The following DSCAML1 variants were observed in gnomAD, a reference collection of about 807,000 sequenced individuals.
DSCAML1 encodes DS cell adhesion molecule like 1, also known as cell adhesion molecule DSCAML1.
Under a neutral mutation model 200.5 loss-of-function variants are expected in DSCAML1, and 38 were observed. The observed-to-expected ratio is 0.19, with a 90% CI of 0.15 to 0.25. DSCAML1 has a LOEUF of 0.25. Ranked by LOEUF, DSCAML1 falls within the 10% of genes least tolerant of loss-of-function variation. The pLI, the probability that DSCAML1 is intolerant of heterozygous loss-of-function variation, is 1.00. For synonymous variants in DSCAML1, 1,215 were observed against 1,165.0 expected (o/e 1.04, Z -0.87); for missense variants, 2,223 against 2,858.8 (o/e 0.78, Z 5.07).
At chr11:117,483,263 G>A (rs1289927269) in intron 11 of DSCAML1, among the ~76,000 whole-genome samples, 3 of 152,202 alleles carry the variant, frequency 2.0e-5, no homozygotes, top group Admixed American at 6.5e-5. Flanking sequence ...TGGGGGGTAC[G>A]CATGACAATG....
chr11:117,638,493 T>A (rs555900327), intron 3 of DSCAML1, among the ~76,000 whole-genome samples: 1 of 152,202 alleles, frequency 6.6e-6, no homozygotes, highest in East Asian at 1.9e-4. Context: ...TTAAAACAGT[T>A]TTCATCATCC....
At chr11:117,481,877 T>A in intron 12 of DSCAML1, 86 bp downstream of exon 12, 1 of 1,517,112 alleles carries the variant, frequency 6.6e-7, no homozygotes, top group Non-Finnish European at 9.0e-7. Context: ...GGCTCCCCAT[T>A]TGCCTCCTGG....
intron 20 of DSCAML1, among the ~76,000 whole-genome samples, chr11:117,449,026 A>G (rs1203672832): frequency 6.6e-6 from 1 of 152,250 alleles, no homozygotes; most frequent in Non-Finnish European, 1.5e-5. Flanking sequence ...CACAAAAGCT[A>G]TACAGAAGAA....
chr11:117,497,168 A>G (rs934823815), intron 11 of DSCAML1, among the ~76,000 whole-genome samples: 5 of 152,180 alleles, frequency 3.3e-5, no homozygotes, highest in African/African-American at 1.2e-4. Context: ...GGGTGAGGGA[A>G]AGGGACAGGA....
rs1189439598 is a variant in DSCAML1 at position 117,469,275 on chromosome 11, C to T, written c.3024+635G>A. Among the ~76,000 whole-genome samples the T allele has an allele frequency of 6.6e-6, 1 of 152,176 alleles. No individual in the cohort carries two copies. ...GTGAGACAGGAAGCCCCTGGATTGC[C>T]AGCCCTTCTATGCCCATGGAGGGGT... is the stretch of plus-strand genomic sequence containing the variant. On this transcript the variant is annotated intron_variant, in intron 16 of 32. Transcript: ENST00000651296. This position sits in a 1 kb window ranked among gnomAD's most constrained non-coding sequence, Gnocchi z 4.1.
chr11:117,439,135 T>A lies in DSCAML1; in HGVS notation c.4144+131A>T, dbSNP rs1315786616. 3.6e-6 allele frequency: 5 copies of A among 1,397,120 alleles called. No individual in the cohort carries two copies. In the East Asian group the frequency reaches 1.2e-4, roughly 33 times the overall value. 86.5% of individuals were successfully genotyped at this position (1,397,120 alleles called of 1,614,324 possible). The stretch of plus-strand genomic sequence containing the variant: ...TCCTGCCTCCCCTTCCATGTGCACC[T>A]CTGTTTCTCCAGAGGTCTGTCTCTC... On this transcript the variant is annotated intron_variant, in intron 23 of 32. Transcript: ENST00000651296.
intron 3 of DSCAML1, among the ~76,000 whole-genome samples, chr11:117,690,976 C>A (rs1240077811): frequency 6.6e-6 from 1 of 152,144 alleles, no homozygotes; most frequent in Non-Finnish European, 1.5e-5. Context: ...GCCAGAAAAC[C>A]TCCCTAGGGC....
intron 3 of DSCAML1, among the ~76,000 whole-genome samples, chr11:117,582,758 G>A (rs1032792560): frequency 3.9e-5 from 6 of 152,188 alleles, no homozygotes; most frequent in Admixed American, 3.9e-4. Flanking sequence ...GTGTGCCCCA[G>A]TCCACGGGCT....
chr11:117,672,996 T>C (rs1387645987), intron 3 of DSCAML1, among the ~76,000 whole-genome samples: 1 of 152,208 alleles, frequency 6.6e-6, no homozygotes, highest in Non-Finnish European at 1.5e-5. Context: ...CCAGACCACC[T>C]GCCTGGATCT....
At chr11:117,540,542 A>C (rs979319445) in intron 3 of DSCAML1, among the ~76,000 whole-genome samples, 17 of 152,176 alleles carry the variant, frequency 1.1e-4, no homozygotes, top group Admixed American at 1.1e-3. Context: ...TAAGATGGTA[A>C]ATTTTATGTT....
chr11:117,624,979 T>G (rs2052013683), intron 3 of DSCAML1, among the ~76,000 whole-genome samples: 1 of 152,172 alleles, frequency 6.6e-6, no homozygotes, highest in Admixed American at 6.5e-5. Context: ...CACCCATGCC[T>G]GGTCTCCCGC....
rs527531049 is a variant in DSCAML1, at chr11:117,442,195, G to A, written c.3862+1691C>T. Among the ~76,000 whole-genome samples, 1,270 of 151,590 alleles carry A rather than the reference G, an allele frequency of 8.4e-3. 40 individuals carry two copies. In the East Asian group the frequency reaches 0.11, roughly 13 times the overall value. ...TGTAGTGTGTATAGTGTGTATGTGT[G>A]TGCATGTGTGCATGTATTAGTGTGT... On this transcript the variant is annotated intron_variant, in intron 21 of 32. Transcript: ENST00000651296.
intron 14 of DSCAML1, among the ~76,000 whole-genome samples, chr11:117,477,349 A>AGTGTGTGTGTGTGTGTGTGT (rs5795087): frequency 4.8e-4 from 67 of 140,098 alleles, no homozygotes; most frequent in Non-Finnish European, 6.6e-4. Flanking sequence ...TGGTTCTGAA[A>AGTGTGTGTGTGTGTGTGTGT]GTGTGTGTGT....
chr11:117,720,837 A>C lies in DSCAML1; in HGVS notation c.511+55954T>G, dbSNP rs141233137. ...CCTGACACATAATAAGTGCTTAATA[A>C]ATGGCAGCTTTTATGGTTTTCATTA... On this transcript the variant is annotated intron_variant, in intron 3 of 32. Coordinates refer to ENST00000651296, the MANE Select transcript of DSCAML1 (RefSeq NM_020693.4). 4.4e-4 allele frequency among the ~76,000 whole-genome samples: 67 copies of C among 152,342 alleles called. No individual in the cohort carries two copies. The East Asian group carries it at 0.011, about 24-fold the overall frequency.
chr11:117,657,385 G>A (rs1160241832), intron 3 of DSCAML1, among the ~76,000 whole-genome samples: 1 of 152,130 alleles, frequency 6.6e-6, no homozygotes, highest in Non-Finnish European at 1.5e-5. Flanking sequence ...CAAATCCACA[G>A]CCTCCAGAGC....
intron 3 of DSCAML1, among the ~76,000 whole-genome samples, chr11:117,626,880 G>T (rs2052057704): frequency 6.6e-6 from 1 of 152,138 alleles, no homozygotes; most frequent in African/African-American, 2.4e-5. Flanking sequence ...ATGCTCCACG[G>T]TGCCTGCCAC....
At chr11:117,449,890 T>C (rs2048252163) in intron 20 of DSCAML1, among the ~76,000 whole-genome samples, 1 of 152,084 alleles carries the variant, frequency 6.6e-6, no homozygotes, top group Non-Finnish European at 1.5e-5. Context: ...ACTGCACCCA[T>C]CCCCATCCTC....
At position 117,465,069 on chromosome 11, in the gene DSCAML1, C is replaced by A. The variant is rs191126736; in HGVS notation, c.3138G>T (p.Gly1046=). Reference sequence around the variant, plus strand: ...TGTCCAGGGTGTAGACCTCGCTGTCCCCCGTGGCCTTCATCTCCACGATGC... The same window carrying A: ...TGTCCAGGGTGTAGACCTCGCTGTCACCCGTGGCCTTCATCTCCACGATGC... ...QYSIVEMKAT[G]DSEVYTLDNL... The change falls in exon 17 of 33, where the codon GGG becomes GGT. Residue 1046 remains glycine, a synonymous_variant. Coordinates refer to ENST00000651296, the MANE Select transcript of DSCAML1 (RefSeq NM_020693.4). 6.2e-7 allele frequency: 1 copy of A among 1,613,744 alleles called. No individual in the cohort carries two copies. The highest frequency in any genetic ancestry group is 1.7e-5 in the Admixed American group (1 of 59,992).
At chr11:117,590,340 C>T (rs1265447830) in intron 3 of DSCAML1, among the ~76,000 whole-genome samples, 1 of 150,602 alleles carries the variant, frequency 6.6e-6, no homozygotes, top group Non-Finnish European at 1.5e-5. Flanking sequence ...AGATGTGTGC[C>T]ACTATGCCTG....
Sources: allele counts gnomAD v4.1 joint callset (sites outside exome capture counted in the v4.1 genomes callset), GRCh38; gene constraint gnomAD v4.1.1; non-coding constraint Gnocchi (gnomAD v3.1); transcripts MANE v1.5; gene names NCBI Gene and HGNC (gene_info 2026-07-23, HGNC 2026-07-21).